The following MYO16 variants were observed in gnomAD, a reference collection of about 807,000 sequenced individuals.
The protein encoded by MYO16 is unconventional myosin-XVI.
In MYO16, 94 loss-of-function variants were observed where a neutral mutation model predicts 205.3. The observed-to-expected ratio is 0.46, with a 90% confidence interval of 0.39 to 0.54. MYO16 has a LOEUF of 0.54. Among genes scored for constraint, MYO16 ranks in the 20% least tolerant of loss-of-function variants. The probability of loss-of-function intolerance (pLI) is 0.00; values close to 1 mark genes in which losing one functional copy is unlikely to be tolerated. For missense variants in MYO16, 2,315 were observed against 2,387.5 expected (o/e 0.97, Z 0.63); for synonymous variants, 988 against 954.0 (o/e 1.04, Z -0.66).
intron 2 of MYO16, among the ~76,000 whole-genome samples, chr13:108,700,114 C>A (rs1442045292): frequency 1.3e-5 from 2 of 152,054 alleles, no homozygotes. Context: ...GGGTGGATCA[C>A]TTGAGGCCAG....
chr13:108,968,064 A>G (rs1357421400), intron 20 of MYO16, among the ~76,000 whole-genome samples: 1 of 152,208 alleles, frequency 6.6e-6, no homozygotes, highest in Admixed American at 6.5e-5. Flanking sequence ...TCATGATTAC[A>G]GTCTCCAGTA....
chr13:108,575,298 CTA>C, the MYO16 span, among the ~76,000 whole-genome samples: 2 of 152,198 alleles, frequency 1.3e-5, no homozygotes, highest in East Asian at 1.9e-4. Context: ...AACCCGCCAG[CTA>C]TGTTTCCTTC....
chr13:109,006,592 G>T (rs1258758021), intron 21 of MYO16, among the ~76,000 whole-genome samples: 2 of 152,020 alleles, frequency 1.3e-5, no homozygotes, highest in African/African-American at 4.8e-5. Flanking sequence ...TATTAATACA[G>T]GATATTTCTC....
At chr13:108,781,755 A>C (rs1462599643) in intron 4 of MYO16, among the ~76,000 whole-genome samples, 3 of 152,098 alleles carry the variant, frequency 2.0e-5, no homozygotes, top group African/African-American at 4.8e-5. Flanking sequence ...AGGGGGAGGT[A>C]ATTGAATCCT....
intron 1 of MYO16, among the ~76,000 whole-genome samples, chr13:108,657,044 C>A (rs1268245562): frequency 6.6e-6 from 1 of 152,200 alleles, no homozygotes; most frequent in African/African-American, 2.4e-5. Flanking sequence ...GCTGAAGCTT[C>A]CAGGCCTCCT....
intron 4 of MYO16, among the ~76,000 whole-genome samples, chr13:108,767,225 C>A (rs1015384709): frequency 1.3e-5 from 2 of 152,188 alleles, no homozygotes; most frequent in East Asian, 1.9e-4. Context: ...GCCTCAGTCT[C>A]CCTAGTAGCT....
At chr13:108,734,661 A>C (rs1884630818) in intron 4 of MYO16, among the ~76,000 whole-genome samples, 1 of 152,246 alleles carries the variant, frequency 6.6e-6, no homozygotes. Flanking sequence ...CCAAGCATAC[A>C]CAGAACTGTT....
rs545931878 is a variant in MYO16, at chr13:108,786,526, A to G, written c.616+783A>G. On this transcript the variant is annotated intron_variant, in intron 5 of 34. Transcript: ENST00000457511. Reference sequence around the variant, plus strand: ...AAAGTTTACAGTTTTTAAGAGCCACACGGAGCTTATGCAGATACTCTTTTT... The same window carrying G: ...AAAGTTTACAGTTTTTAAGAGCCACGCGGAGCTTATGCAGATACTCTTTTT... Among the ~76,000 whole-genome samples the G allele has an allele frequency of 7.9e-5, 12 of 152,330 alleles. No homozygotes were observed. In the South Asian group the frequency reaches 2.5e-3, roughly 32 times the overall value.
At chr13:108,675,947 C>A (rs1248787083) in intron 2 of MYO16, among the ~76,000 whole-genome samples, 1 of 152,032 alleles carries the variant, frequency 6.6e-6, no homozygotes, top group Admixed American at 6.6e-5. Context: ...GGTAAGTGCT[C>A]GTGAAGGTTA....
chr13:109,175,724 G>A (rs1361212790), intron 33 of MYO16, among the ~76,000 whole-genome samples: 1 of 152,078 alleles, frequency 6.6e-6, no homozygotes, highest in African/African-American at 2.4e-5. Flanking sequence ...AGCAGTGGGG[G>A]CTTCTCAGAA....
intron 23 of MYO16, among the ~76,000 whole-genome samples, chr13:109,025,539 T>A (rs577272063): frequency 1.5e-4 from 23 of 152,046 alleles, no homozygotes; most frequent in Non-Finnish European, 3.2e-4. Flanking sequence ...GCTTGTAGGG[T>A]TTTTTGGCTA....
Position 109,207,012 on chromosome 13 carries a change from G to A in MYO16, c.*176G>A, listed in dbSNP as rs1880629039. 6.8e-6 allele frequency: 4 copies of A among 587,944 alleles called. No individual in the cohort carries two copies. Among genetic ancestry groups the A allele is most frequent in the Admixed American group, 6.0e-5 (2 of 33,244 alleles). 36.4% of individuals were successfully genotyped at this position (587,944 alleles called of 1,614,324 possible). Reference sequence around the variant, plus strand: ...CGTGTGTGTGTGTGTGTGTTTGTGTGTGTGTGTGTGGGTTCTTTCTTATCC... The same window carrying A: ...CGTGTGTGTGTGTGTGTGTTTGTGTATGTGTGTGTGGGTTCTTTCTTATCC... On this transcript the variant is annotated 3_prime_UTR_variant, in exon 35 of 35. Coordinates refer to ENST00000457511, the MANE Select transcript of MYO16 (RefSeq NM_001198950.3).
rs538212282 is a variant in MYO16 at position 109,152,554 on chromosome 13, T to C, written c.5164+11178T>C. Among the ~76,000 whole-genome samples, 11 of 152,336 alleles carry C rather than the reference T, an allele frequency of 7.2e-5. No individual in the cohort carries two copies. The South Asian group carries it at 2.3e-3, about 32-fold the overall frequency. Reference sequence around the variant, plus strand: ...GGAAAGAGGCTCTGTGCTTTATATCTGGAGATGTGGGATCATAAAAACGTC... The same window carrying C: ...GGAAAGAGGCTCTGTGCTTTATATCCGGAGATGTGGGATCATAAAAACGTC... On this transcript the variant is annotated intron_variant, in intron 32 of 34. Coordinates refer to ENST00000457511, the MANE Select transcript of MYO16 (RefSeq NM_001198950.3).
the MYO16 span, among the ~76,000 whole-genome samples, chr13:108,505,952 GT>G: frequency 6.6e-6 from 1 of 151,864 alleles, no homozygotes; most frequent in Non-Finnish European, 1.5e-5. Flanking sequence ...TGGCACTTTT[GT>G]TGAGGATCAT....
chr13:109,003,136 T>C (rs1182434360), intron 21 of MYO16, among the ~76,000 whole-genome samples: 2 of 152,188 alleles, frequency 1.3e-5, no homozygotes, highest in Non-Finnish European at 2.9e-5. Context: ...AAACTACATA[T>C]GTTTCCAGTG....
At chr13:108,763,787 TTGTGTGTGTGTG>T (rs56115831) in intron 4 of MYO16, among the ~76,000 whole-genome samples, 51 of 142,634 alleles carry the variant, frequency 3.6e-4, no homozygotes, top group East Asian at 1.1e-3. Context: ...AGAAAAGGAG[TTGTGTGTGTGTG>T]TGTGTGTGTG....
At chr13:108,565,052 G>A in the MYO16 span, among the ~76,000 whole-genome samples, 2 of 152,228 alleles carry the variant, frequency 1.3e-5, no homozygotes, top group East Asian at 3.9e-4. Context: ...TGGTTATGAT[G>A]CCATTGTAGT....
Position 108,756,159 on chromosome 13 carries a change from A to T in MYO16, c.507+28576A>T, listed in dbSNP as rs1034317779. The stretch of plus-strand genomic sequence containing the variant: ...GAGTTAATTTATTATAACACTGTTC[A>T]CATTTTTAAAGACTTTCAATATTTA... On this transcript the variant is annotated intron_variant, in intron 4 of 34. Coordinates refer to ENST00000457511, the MANE Select transcript of MYO16 (RefSeq NM_001198950.3). 2.6e-5 allele frequency among the ~76,000 whole-genome samples: 4 copies of T among 152,188 alleles called. No individual in the cohort carries two copies. The East Asian group carries it at 7.7e-4, about 29-fold the overall frequency.
intron 8 of MYO16, among the ~76,000 whole-genome samples, chr13:108,822,288 G>C (rs1311649053): frequency 1.3e-5 from 2 of 152,102 alleles, no homozygotes; most frequent in Non-Finnish European, 2.9e-5. Context: ...TTTAATCTGA[G>C]GCAAATAATG....
Sources: gnomAD v4.1 joint callset for allele counts (sites outside exome capture counted in the v4.1 genomes callset) on GRCh38, gnomAD v4.1.1 for gene constraint, MANE v1.5 for transcripts, NCBI Gene and HGNC (gene_info 2026-07-23, HGNC 2026-07-21) for gene names.